The following PAK5 variants were observed in gnomAD, a reference collection of about 807,000 sequenced individuals.
The protein encoded by PAK5 is p21 (RAC1) activated kinase 5.
Under a neutral mutation model 65.9 loss-of-function variants are expected in PAK5, and 16 were observed. The ratio of observed to expected loss-of-function variants is 0.24; its 90% CI spans 0.16 to 0.37. The LOEUF is 0.37. Ranked by LOEUF, PAK5 falls within the 10% of genes least tolerant of loss-of-function variation. PAK5 has a pLI of 1.00. For missense variants in PAK5, 785 were observed against 903.9 expected (o/e 0.87, Z 1.69); for synonymous variants, 371 against 354.9 (o/e 1.05, Z -0.51).
chr20:9,548,798 T>C (rs2045383649), intron 7 of PAK5, among the ~76,000 whole-genome samples: 1 of 152,212 alleles, frequency 6.6e-6, no homozygotes. Context: ...ACAGATGAAA[T>C]GAAAATAACA....
At chr20:9,641,206 A>G (rs1271069643) in intron 3 of PAK5, among the ~76,000 whole-genome samples, 2 of 151,914 alleles carry the variant, frequency 1.3e-5, no homozygotes, top group African/African-American at 2.4e-5. Context: ...CAGAGTGTCG[A>G]TTGGTGCACC....
intron 1 of PAK5, among the ~76,000 whole-genome samples, chr20:9,799,310 C>A (rs2043315330): frequency 6.6e-6 from 1 of 152,110 alleles, no homozygotes; most frequent in Non-Finnish European, 1.5e-5. Context: ...TAATAGGTGA[C>A]AATCGTATCT....
rs745765163 is a variant in PAK5 at position 9,580,383 on chromosome 20, G to A, written c.752C>T (p.Ala251Val). Residue 251 changes from alanine (A) to valine (V), a missense_variant, in exon 4 of 10, where the codon GCG becomes GTG. Transcript: ENST00000353224. ...GTSGCSKESL[A>V]YSESEWGPSL... ...GGGTCCCCATTCACTTTCACTGTAC[G>A]CCAGGCTCTCCTTGGAGCACCCGCT... 7 of 1,613,984 alleles carry A rather than the reference G, an allele frequency of 4.3e-6. No individual in the cohort carries two copies. Among genetic ancestry groups the A allele is most frequent in the East Asian group, 4.5e-5 (2 of 44,870 alleles).
chr20:9,668,640 C>T (rs6056790), intron 2 of PAK5, among the ~76,000 whole-genome samples: 7,084 of 152,206 alleles, frequency 0.047, 527 homozygotes, highest in African/African-American at 0.16. Context: ...AGAACGAGAA[C>T]GACACTTTTG....
intron 1 of PAK5, among the ~76,000 whole-genome samples, chr20:9,808,579 G>A (rs552455416): frequency 6.6e-6 from 1 of 152,278 alleles, no homozygotes; most frequent in African/African-American, 2.4e-5. Context: ...GCTAGAACAT[G>A]GATGAACCTT....
intron 2 of PAK5, among the ~76,000 whole-genome samples, chr20:9,662,335 C>A (rs557994841): frequency 6.6e-6 from 1 of 152,068 alleles, no homozygotes; most frequent in Admixed American, 6.6e-5. Context: ...TAAAATGTCA[C>A]CAGCAACAAC....
Position 9,826,199 on chromosome 20 carries a change from AT to A in PAK5, c.-162+12562del, listed in dbSNP as rs568750577. ...TGAATAAGAGAAGTCAGAAATCTAG[AT>A]TTTTTTTTTTCTGGGAAATTTCACA... On this transcript the variant is annotated intron_variant, in intron 1 of 9. Transcript: ENST00000353224. 4.4e-3 allele frequency among the ~76,000 whole-genome samples: 642 copies of A among 147,152 alleles called. 7 individuals carry two copies. The highest frequency in any genetic ancestry group is 0.013 in the African/African-American group (514 of 39,254).
chr20:9,601,783 C>T (rs2046363861), intron 3 of PAK5, among the ~76,000 whole-genome samples: 1 of 152,052 alleles, frequency 6.6e-6, no homozygotes, highest in Non-Finnish European at 1.5e-5. Flanking sequence ...CTGAAAAAAA[C>T]CTGACCTGGG....
At chr20:9,560,078 G>T (rs1156906922) in intron 6 of PAK5, among the ~76,000 whole-genome samples, 1 of 152,160 alleles carries the variant, frequency 6.6e-6, no homozygotes, top group Non-Finnish European at 1.5e-5. Flanking sequence ...TCTGAAAGAG[G>T]TATAAAGATT....
intron 1 of PAK5, among the ~76,000 whole-genome samples, chr20:9,733,015 T>A (rs553195127): frequency 1.3e-4 from 20 of 152,234 alleles, no homozygotes; most frequent in Non-Finnish European, 2.4e-4. Context: ...TGTATTTTAC[T>A]GGACACTAAT....
At chr20:9,682,502 C>A (rs2047664097) in intron 2 of PAK5, among the ~76,000 whole-genome samples, 1 of 152,182 alleles carries the variant, frequency 6.6e-6, no homozygotes, top group South Asian at 2.1e-4. Flanking sequence ...AGAAGAATTA[C>A]AGATTCAAAA....
chr20:9,760,213 A>G (rs2048682854), intron 1 of PAK5, among the ~76,000 whole-genome samples: 1 of 152,192 alleles, frequency 6.6e-6, no homozygotes, highest in African/African-American at 2.4e-5. Context: ...ATTAGAGCCA[A>G]AAACAGAGAC....
intron 3 of PAK5, among the ~76,000 whole-genome samples, chr20:9,620,708 C>T (rs1405041736): frequency 6.6e-6 from 1 of 152,060 alleles, no homozygotes; most frequent in Non-Finnish European, 1.5e-5. Context: ...AAAAGCTATA[C>T]AGAGTCTCTG....
At chr20:9,582,465 T>C (rs2045995612) in intron 3 of PAK5, among the ~76,000 whole-genome samples, 1 of 152,198 alleles carries the variant, frequency 6.6e-6, no homozygotes, top group African/African-American at 2.4e-5. Flanking sequence ...TCAAGTCACA[T>C]TTCATCGCAT....
chr20:9,736,607 T>C (rs928943940), intron 1 of PAK5, among the ~76,000 whole-genome samples: 2 of 152,214 alleles, frequency 1.3e-5, no homozygotes, highest in Non-Finnish European at 2.9e-5. Flanking sequence ...TTTAAAATGA[T>C]GGGTTATTAT....
intron 1 of PAK5, among the ~76,000 whole-genome samples, chr20:9,724,315 T>C (rs1444688279): frequency 6.6e-6 from 1 of 152,232 alleles, no homozygotes; most frequent in East Asian, 1.9e-4. Flanking sequence ...ACTCGTTTTC[T>C]TTGAATTGCC....
intron 1 of PAK5, among the ~76,000 whole-genome samples, chr20:9,762,504 C>T (rs1847529630): frequency 6.6e-6 from 1 of 152,030 alleles, no homozygotes; most frequent in African/African-American, 2.4e-5. Flanking sequence ...AAATGGCCAA[C>T]TATATTAAAA....
intron 3 of PAK5, among the ~76,000 whole-genome samples, chr20:9,581,311 C>T (rs553540048): frequency 1.3e-5 from 2 of 152,274 alleles, no homozygotes; most frequent in African/African-American, 4.8e-5. Flanking sequence ...TAATTTAACA[C>T]TCTATAACTG....
intron 2 of PAK5, among the ~76,000 whole-genome samples, chr20:9,707,810 C>T (rs1212478695): frequency 6.6e-6 from 1 of 152,150 alleles, no homozygotes; most frequent in African/African-American, 2.4e-5. Flanking sequence ...AGTGAAGCAT[C>T]TGAGACTATT....
Sources: allele counts gnomAD v4.1 joint callset (sites outside exome capture counted in the v4.1 genomes callset), GRCh38; gene constraint gnomAD v4.1.1; transcripts MANE v1.5; gene names NCBI Gene and HGNC (gene_info 2026-07-23, HGNC 2026-07-21).